TMEM38B: variants seen among roughly 807,000 people sequenced by gnomAD.
TMEM38B encodes transmembrane protein 38B, also known as trimeric intracellular cation channel type B.
In TMEM38B, 24 loss-of-function variants were observed where a neutral mutation model predicts 28.7. That is an observed-to-expected ratio of 0.84 (90% CI 0.61 to 1.18). The LOEUF (loss-of-function observed/expected upper bound fraction) is 1.18, where lower values mean the gene tolerates loss of function less well. TMEM38B is among the 50% of genes most tolerant of loss of function. TMEM38B has a pLI of 0.00. For synonymous variants in TMEM38B, 131 were observed against 127.7 expected, an observed-to-expected ratio of 1.03 and a Z score of -0.17; for missense variants, 380 against 350.9, an observed-to-expected ratio of 1.08 and a Z score of -0.66.
intron 5 of TMEM38B, among the ~76,000 whole-genome samples, chr9:105,761,580 AG>A (rs1485185663): frequency 2.0e-5 from 3 of 152,206 alleles, no homozygotes; most frequent in African/African-American, 7.2e-5. Context: ...TACACCTATC[AG>A]ATGCTTAAAA....
chr9:105,767,418 G>A (rs1247898229), intron 5 of TMEM38B, among the ~76,000 whole-genome samples: 3 of 152,058 alleles, frequency 2.0e-5, no homozygotes, highest in African/African-American at 7.2e-5. Context: ...TCTTAGGATA[G>A]TCTACATCTT....
At chr9:105,736,086 C>G (rs1029969670) in intron 4 of TMEM38B, among the ~76,000 whole-genome samples, 1 of 149,542 alleles carries the variant, frequency 6.7e-6, no homozygotes, top group African/African-American at 2.5e-5. Context: ...GATAGGATCT[C>G]ACTATGTTGC....
At position 105,694,637 on chromosome 9, in the gene TMEM38B, C is replaced by T. The variant is rs761202092; in HGVS notation, c.-24C>T. The T allele has an allele frequency of 1.0e-5, 16 of 1,594,822 alleles. No individual in the cohort carries two copies. The highest frequency in any genetic ancestry group is 6.7e-5 in the East Asian group (3 of 44,676). On this transcript the variant is annotated 5_prime_UTR_variant, in exon 1 of 6. Coordinates refer to ENST00000374692, the MANE Select transcript of TMEM38B (RefSeq NM_018112.3). ...GGGGAACCAGTAGCCGCGGCTGCTT[C>T]GGTTGCCGCGGTCGGTGGTCGTTAT... is the stretch of plus-strand genomic sequence containing the variant.
intron 1 of TMEM38B, among the ~76,000 whole-genome samples, chr9:105,695,594 T>C (rs1442244681): frequency 6.6e-6 from 1 of 152,234 alleles, no homozygotes; most frequent in Non-Finnish European, 1.5e-5. Context: ...TTTGTAGTTA[T>C]TCTACTGTGC....
chr9:105,716,296 C>T (rs1375878835), intron 2 of TMEM38B, among the ~76,000 whole-genome samples: 11 of 152,060 alleles, frequency 7.2e-5, no homozygotes, highest in African/African-American at 7.2e-5. Flanking sequence ...ATTGTTCCAA[C>T]CCTTTCAGAA....
At chr9:105,767,794 T>G (rs1448689086) in intron 5 of TMEM38B, among the ~76,000 whole-genome samples, 3 of 152,212 alleles carry the variant, frequency 2.0e-5, no homozygotes, top group African/African-American at 7.2e-5. Context: ...TCTTGTATCC[T>G]GTGACCTTGC....
At position 105,752,101 on chromosome 9, in the gene TMEM38B, A is replaced by G. The variant is rs372833942; in HGVS notation, c.660+3911A>G. Reference sequence around the variant, plus strand: ...CCAGACTGTTTTTTTAAGCCGGGCCATGATCCATTCCTCTTCACTGGAGAG... The same window carrying G: ...CCAGACTGTTTTTTTAAGCCGGGCCGTGATCCATTCCTCTTCACTGGAGAG... On this transcript the variant is annotated intron_variant, in intron 5 of 5. Coordinates refer to ENST00000374692, the MANE Select transcript of TMEM38B (RefSeq NM_018112.3). Among the ~76,000 whole-genome samples, 186 of 152,202 alleles carry G rather than the reference A, an allele frequency of 1.2e-3. 1 individual carries two copies. Among genetic ancestry groups the G allele is most frequent in the African/African-American group, 4.2e-3 (175 of 41,544 alleles).
intron 4 of TMEM38B, among the ~76,000 whole-genome samples, chr9:105,736,967 T>A (rs191582724): frequency 1.2e-4 from 19 of 152,304 alleles, no homozygotes; most frequent in Admixed American, 9.8e-4. Context: ...TTGCAAGGAC[T>A]TTTGGGGTCC....
intron 5 of TMEM38B, chr9:105,759,751 T>G: frequency 6.2e-7 from 1 of 1,607,148 alleles, no homozygotes; most frequent in Non-Finnish European, 8.5e-7. Flanking sequence ...TCAAAAGCCA[T>G]TCCGTGCTGG....
chr9:105,756,377 G>C (rs1008948365), intron 5 of TMEM38B, among the ~76,000 whole-genome samples: 2 of 152,116 alleles, frequency 1.3e-5, no homozygotes, highest in African/African-American at 4.8e-5. Context: ...AAAGCATTTG[G>C]TATTTCACTA....
chr9:105,752,307 C>G (rs370802802), intron 5 of TMEM38B, among the ~76,000 whole-genome samples: 2 of 152,168 alleles, frequency 1.3e-5, no homozygotes, highest in Non-Finnish European at 2.9e-5. Flanking sequence ...GTGCAGCACA[C>G]CTCTACCAAA....
rs12348005 is a variant in TMEM38B, at chr9:105,744,439, C to T, written c.543-3634C>T. On this transcript the variant is annotated intron_variant, in intron 4 of 5. Coordinates refer to ENST00000374692, the MANE Select transcript of TMEM38B (RefSeq NM_018112.3). ...TGAATATTTTTGCAAAGAATAGGAT[C>T]GTAGCACTGTCTACGTATCCAAGTA... 9.6e-3 allele frequency among the ~76,000 whole-genome samples: 1,456 copies of T among 152,056 alleles called. 21 individuals are homozygous for T. Among genetic ancestry groups the T allele is most frequent in the African/African-American group, 0.033 (1,379 of 41,514 alleles).
chr9:105,769,117 TA>T (rs1423363815), intron 5 of TMEM38B, among the ~76,000 whole-genome samples: 1 of 152,118 alleles, frequency 6.6e-6, no homozygotes, highest in Non-Finnish European at 1.5e-5. Flanking sequence ...AACAACCTCT[TA>T]AAAATTAAGG....
chr9:105,775,575 C>T lies in TMEM38B; in HGVS notation c.*1495C>T, dbSNP rs1826699503. The T allele has an allele frequency of 6.6e-6, 1 of 151,898 alleles. No individual in the cohort carries two copies. Among genetic ancestry groups the T allele is most frequent in the African/African-American group, 2.4e-5 (1 of 41,404 alleles). 9.4% of individuals were successfully genotyped at this position (151,898 alleles called of 1,614,324 possible). On this transcript the variant is annotated 3_prime_UTR_variant, in exon 6 of 6. Coordinates refer to ENST00000374692, the MANE Select transcript of TMEM38B (RefSeq NM_018112.3). Reference sequence around the variant, plus strand: ...ACTTGCTTAAAAAATTGGGAGGGGGCACTTTTCATAGTCTTGGAATGCTAA... The same window carrying T: ...ACTTGCTTAAAAAATTGGGAGGGGGTACTTTTCATAGTCTTGGAATGCTAA...
intron 5 of TMEM38B, among the ~76,000 whole-genome samples, chr9:105,764,744 T>C (rs1187030224): frequency 1.3e-5 from 2 of 151,078 alleles, no homozygotes; most frequent in African/African-American, 4.9e-5. Flanking sequence ...TTAAAGTTCA[T>C]ATGGAACCAA....
At chr9:105,727,059 G>A (rs946765401) in intron 4 of TMEM38B, among the ~76,000 whole-genome samples, 6 of 151,932 alleles carry the variant, frequency 3.9e-5, no homozygotes, top group African/African-American at 1.5e-4. Context: ...CTTATTTTGT[G>A]TGTGTGCAGC....
chr9:105,763,742 T>G (rs1479181468), intron 5 of TMEM38B, among the ~76,000 whole-genome samples: 1 of 152,150 alleles, frequency 6.6e-6, no homozygotes, highest in Non-Finnish European at 1.5e-5. Flanking sequence ...GAGGCCAGCA[T>G]CATCCTGATA....
At chr9:105,718,620 C>T (rs1836199675) in intron 2 of TMEM38B, among the ~76,000 whole-genome samples, 1 of 152,128 alleles carries the variant, frequency 6.6e-6, no homozygotes, top group South Asian at 2.1e-4. Context: ...TACAGTAGCT[C>T]ATAGTGTATA....
chr9:105,750,085 G>C (rs1013464014), intron 5 of TMEM38B, among the ~76,000 whole-genome samples: 7 of 152,114 alleles, frequency 4.6e-5, no homozygotes, highest in African/African-American at 1.7e-4. Flanking sequence ...TCTCACTGTG[G>C]TTTTGATGTA....
Sources: allele counts gnomAD v4.1 joint callset (sites outside exome capture counted in the v4.1 genomes callset), GRCh38; gene constraint gnomAD v4.1.1; transcripts MANE v1.5; gene names NCBI Gene and HGNC (gene_info 2026-07-23, HGNC 2026-07-21).